Variants in CDC27 observed in about 807,000 individuals in gnomAD.
The protein encoded by CDC27 is cell division cycle 27.
CDC27 carries 27 observed loss-of-function variants against 109.7 expected under a neutral mutation model. That is an observed-to-expected ratio of 0.25 (90% CI 0.18 to 0.34). CDC27 has a LOEUF of 0.34. CDC27 is among the 10% of genes least tolerant of loss of function. The pLI is 1.00. For synonymous variants in CDC27, 266 were observed against 333.9 expected (o/e 0.80, Z 2.22); for missense variants, 579 against 960.2 (o/e 0.60, Z 5.25).
At chr17:47,151,699 C>T in intron 9 of CDC27, 107 bp downstream of exon 9, 1 of 801,582 alleles carries the variant, frequency 1.2e-6, no homozygotes, top group Non-Finnish European at 1.8e-6. Context: ...TCAAAATTTA[C>T]AGTAGTTATT....
At chr17:47,185,772 G>GA (rs1275006132) in intron 1 of CDC27, among the ~76,000 whole-genome samples, 1 of 152,040 alleles carries the variant, frequency 6.6e-6, no homozygotes, top group Non-Finnish European at 1.5e-5. Flanking sequence ...AAGATACAAA[G>GA]AAAAAAATCA....
chr17:47,125,782 T>C (rs961807030), intron 16 of CDC27, among the ~76,000 whole-genome samples: 1 of 152,098 alleles, frequency 6.6e-6, no homozygotes, highest in South Asian at 2.1e-4. Context: ...GACCTCGTGA[T>C]CCACCCGCCT....
chr17:47,148,850 T>C (rs916410127), intron 9 of CDC27, among the ~76,000 whole-genome samples: 8 of 151,770 alleles, frequency 5.3e-5, no homozygotes, highest in African/African-American at 1.9e-4. Flanking sequence ...GAGGCCAAGA[T>C]GGGCGATCAC....
chr17:47,152,036 C>T (rs1292798475), intron 8 of CDC27, 118 bp from the exon 9 acceptor site: 3 of 735,956 alleles, frequency 4.1e-6, no homozygotes, highest in Non-Finnish European at 4.0e-6. Context: ...TATACTGTCA[C>T]CTTAAAGATA....
At chr17:47,182,065 T>C (rs1371789394) in intron 1 of CDC27, among the ~76,000 whole-genome samples, 1 of 152,214 alleles carries the variant, frequency 6.6e-6, no homozygotes, top group Non-Finnish European at 1.5e-5. Flanking sequence ...TTAACAGGAC[T>C]GCCAACCCTA....
In CDC27 at chr17:47,189,209, G is replaced by GC. The variant is rs770383894; in HGVS notation, c.-38dup. The GC allele has an allele frequency of 1.7e-4, 272 of 1,576,650 alleles. No homozygotes were observed. Among genetic ancestry groups the GC allele is most frequent in the Middle Eastern group, 1.0e-3 (6 of 5,970 alleles). ...AGGCCCACTTTCTGCAGTGCCTCAG[G>GC]CCCCCCCTGTAGCGGCTCCGGCCCG... On this transcript the variant is annotated 5_prime_UTR_variant, in exon 1 of 19. An upstream open reading frame in the 5' UTR loses its in-frame stop. Transcript: ENST00000066544.
intron 5 of CDC27, 45 bp downstream of exon 5, chr17:47,158,161 A>C: frequency 1.3e-6 from 1 of 761,574 alleles, no homozygotes; most frequent in Non-Finnish European, 2.1e-6. Flanking sequence ...GGAAAAAAAG[A>C]AGAGGAGATG....
At chr17:47,136,439 C>A (rs2148844223) in intron 14 of CDC27, among the ~76,000 whole-genome samples, 1 of 152,172 alleles carries the variant, frequency 6.6e-6, no homozygotes, top group Non-Finnish European at 1.5e-5. Flanking sequence ...CCGTATCTGA[C>A]AAAAAAACTA....
At chr17:47,153,870 C>T (rs1440492113) in intron 8 of CDC27, among the ~76,000 whole-genome samples, 1 of 151,970 alleles carries the variant, frequency 6.6e-6, no homozygotes, top group Non-Finnish European at 1.5e-5. Flanking sequence ...ATTGCTTGAG[C>T]CCAGGAGTTT....
chr17:47,145,683 A>G (rs2062935335), intron 9 of CDC27, among the ~76,000 whole-genome samples: 1 of 152,168 alleles, frequency 6.6e-6, no homozygotes, highest in South Asian at 2.1e-4. Flanking sequence ...CAGGCGGATC[A>G]CGAGGTCAAG....
chr17:47,143,489 G>A (rs1427065029), intron 10 of CDC27, among the ~76,000 whole-genome samples: 1 of 152,080 alleles, frequency 6.6e-6, no homozygotes, highest in Non-Finnish European at 1.5e-5. Flanking sequence ...GAATGGATCT[G>A]TGTAATCAAC....
intron 4 of CDC27, among the ~76,000 whole-genome samples, chr17:47,158,701 C>G (rs1598513141): frequency 6.6e-6 from 1 of 151,776 alleles, no homozygotes; most frequent in East Asian, 1.9e-4. Context: ...TCACTGCAAC[C>G]CCTACTTCCT....
chr17:47,148,000 T>C (rs1184850238), intron 9 of CDC27, among the ~76,000 whole-genome samples: 2 of 148,064 alleles, frequency 1.4e-5, no homozygotes, highest in African/African-American at 2.5e-5. Flanking sequence ...GAGTTTGAGA[T>C]CAGCCTGACC....
chr17:47,157,784 C>A (rs1195367073), intron 5 of CDC27, among the ~76,000 whole-genome samples: 19 of 152,144 alleles, frequency 1.2e-4, no homozygotes, highest in Non-Finnish European at 1.5e-5. Context: ...TGCAACAATG[C>A]TGAAAAATGG....
intron 13 of CDC27, among the ~76,000 whole-genome samples, chr17:47,137,580 A>G (rs1248722988): frequency 1.3e-5 from 2 of 152,210 alleles, no homozygotes; most frequent in Non-Finnish European, 2.9e-5. Flanking sequence ...CAGTGCTTTC[A>G]TAGTCATCAA....
At chr17:47,184,022 A>G (rs2149011892) in intron 1 of CDC27, among the ~76,000 whole-genome samples, 1 of 152,314 alleles carries the variant, frequency 6.6e-6, no homozygotes, top group East Asian at 1.9e-4. Flanking sequence ...GAAATCTGGG[A>G]TTTCCTAAGA....
In CDC27 at chr17:47,120,813, T is replaced by C. The variant is rs2061963906; in HGVS notation, c.*122A>G. 1.5e-6 allele frequency: 1 copy of C among 681,376 alleles called. No individual in the cohort carries two copies. The highest frequency in any genetic ancestry group is 1.8e-5 in the African/African-American group (1 of 56,228). The allele number at this position is 681,376 out of a possible 1,614,324, so 42.2% of individuals were successfully genotyped here. ...TCAGGGTCCAATGAAAGTGGCACAC[T>C]CATGGTATAAGTGACGGACGATGAC... is the stretch of plus-strand genomic sequence containing the variant. On this transcript the variant is annotated 3_prime_UTR_variant, in exon 19 of 19. Transcript: ENST00000066544.
At chr17:47,183,306 T>C (rs1245474003) in intron 1 of CDC27, among the ~76,000 whole-genome samples, 1 of 152,234 alleles carries the variant, frequency 6.6e-6, no homozygotes. Flanking sequence ...ATCTAAATTA[T>C]ATTAAGTGAT....
At chr17:47,184,031 G>T (rs1259571039) in intron 1 of CDC27, among the ~76,000 whole-genome samples, 1 of 152,150 alleles carries the variant, frequency 6.6e-6, no homozygotes, top group Non-Finnish European at 1.5e-5. Context: ...GATTTCCTAA[G>T]AACCTACATG....
Sources: allele counts gnomAD v4.1 joint callset (sites outside exome capture counted in the v4.1 genomes callset), GRCh38; gene constraint gnomAD v4.1.1; transcripts MANE v1.5; gene names NCBI Gene and HGNC (gene_info 2026-07-23, HGNC 2026-07-21).